The following PDE11A variants were observed in gnomAD, a reference collection of about 807,000 sequenced individuals.
The protein encoded by PDE11A is phosphodiesterase 11A.
PDE11A carries 100 observed loss-of-function variants against 100.5 expected under a neutral mutation model. The ratio of observed to expected loss-of-function variants is 1.00; its 90% CI spans 0.85 to 1.18. The LOEUF (loss-of-function observed/expected upper bound fraction) is 1.18. Among genes scored for constraint, PDE11A ranks in the 50% most tolerant of loss-of-function variants. The pLI, the probability that PDE11A is intolerant of heterozygous loss-of-function variation, is 0.00. For synonymous variants in PDE11A, 381 were observed against 420.8 expected (o/e 0.91, Z 1.16); for missense variants, 1,141 against 1,152.6 (o/e 0.99, Z 0.15).
chr2:177,941,242 G>T (rs534991625), intron 2 of PDE11A, among the ~76,000 whole-genome samples: 20 of 152,314 alleles, frequency 1.3e-4, no homozygotes, highest in African/African-American at 4.6e-4. Flanking sequence ...CAGGCAGCTT[G>T]CCCTAAACTT....
intron 9 of PDE11A, among the ~76,000 whole-genome samples, chr2:177,770,438 T>A (rs1359785232): frequency 6.6e-6 from 1 of 152,244 alleles, no homozygotes; most frequent in Non-Finnish European, 1.5e-5. Context: ...GGCTTAAAAG[T>A]TAAAAACCCC....
chr2:178,052,257 A>G (rs2086838466), intron 1 of PDE11A, among the ~76,000 whole-genome samples: 1 of 152,244 alleles, frequency 6.6e-6, no homozygotes, highest in African/African-American at 2.4e-5. Flanking sequence ...CTGCTCCTGA[A>G]TGACTACTGG....
chr2:177,863,666 C>T (rs921816225), intron 5 of PDE11A, among the ~76,000 whole-genome samples: 1 of 151,742 alleles, frequency 6.6e-6, no homozygotes, highest in Non-Finnish European at 1.5e-5. Flanking sequence ...ATTAGGGTGG[C>T]TACTATCAAA....
In PDE11A at chr2:177,898,124, A is replaced by G. The variant is rs1380873183; in HGVS notation, c.1236T>C (p.His412=). The change falls in exon 4 of 20, where the codon CAT becomes CAC. Residue 412 remains histidine, a synonymous_variant. Transcript: ENST00000286063. The part of the protein sequence containing the change: ...DLEKIVKKIM[H]RAQTLLKCER... ...CACATTTCAGCAGAGTTTGGGCCCG[A>G]TGCATTATTTTCTTGACAATTTTCT... is the stretch of plus-strand genomic sequence containing the variant. The G allele has an allele frequency of 1.2e-6, 2 of 1,611,438 alleles. No individual in the cohort carries two copies. The highest frequency in any genetic ancestry group is 4.5e-5 in the East Asian group (2 of 44,850).
At chr2:177,645,903 G>A (rs1420229522) in intron 19 of PDE11A, among the ~76,000 whole-genome samples, 1 of 152,168 alleles carries the variant, frequency 6.6e-6, no homozygotes, top group African/African-American at 2.4e-5. Context: ...CAGATTAGTC[G>A]TGCATGTAAA....
chr2:177,986,868 T>G (rs140435050), intron 2 of PDE11A, among the ~76,000 whole-genome samples: 1 of 151,626 alleles, frequency 6.6e-6, no homozygotes, highest in Non-Finnish European at 1.5e-5. Context: ...TAATGGTATA[T>G]ATCTCACTAG....
intron 19 of PDE11A, among the ~76,000 whole-genome samples, chr2:177,645,358 G>GTA (rs1166970739): frequency 6.6e-6 from 1 of 151,352 alleles, no homozygotes; most frequent in African/African-American, 2.5e-5. Flanking sequence ...GTTAGTTTTT[G>GTA]TATATATATA....
At chr2:177,730,613 A>C (rs2081671972) in intron 10 of PDE11A, among the ~76,000 whole-genome samples, 1 of 151,190 alleles carries the variant, frequency 6.6e-6, no homozygotes, top group South Asian at 2.1e-4. Flanking sequence ...TTTTAATACC[A>C]CGGTTTTCAT....
intron 10 of PDE11A, among the ~76,000 whole-genome samples, chr2:177,737,550 G>A (rs1431761496): frequency 6.7e-6 from 1 of 149,890 alleles, no homozygotes; most frequent in Non-Finnish European, 1.5e-5. Context: ...GCAGTGAGCT[G>A]AGATCACGCC....
At chr2:177,944,496 T>C (rs961931484) in intron 2 of PDE11A, among the ~76,000 whole-genome samples, 9 of 152,230 alleles carry the variant, frequency 5.9e-5, no homozygotes, top group African/African-American at 1.9e-4. Context: ...GTGAATTTAC[T>C]TTTCAAGACT....
At chr2:177,947,369 T>C (rs1241083343) in intron 2 of PDE11A, among the ~76,000 whole-genome samples, 2 of 151,738 alleles carry the variant, frequency 1.3e-5, no homozygotes, top group East Asian at 3.9e-4. Context: ...ATGGTTGCCG[T>C]GTCTGTGTAG....
intron 19 of PDE11A, among the ~76,000 whole-genome samples, chr2:177,647,364 A>C (rs949260524): frequency 6.6e-6 from 1 of 152,172 alleles, no homozygotes; most frequent in Non-Finnish European, 1.5e-5. Context: ...ATGGGTTTAC[A>C]AATACAGAAT....
chr2:178,072,738 T>A lies in PDE11A; in HGVS notation c.-301A>T, dbSNP rs1200819930. 7.5e-7 allele frequency: 1 copy of A among 1,338,194 alleles called. No homozygotes were observed. The highest frequency in any genetic ancestry group is 1.5e-5 in the African/African-American group (1 of 67,328). The allele number at this position is 1,338,194 out of a possible 1,614,324, so 82.9% of individuals were successfully genotyped here. On this transcript the variant is annotated 5_prime_UTR_variant, in exon 1 of 20. Transcript: ENST00000286063. Reference sequence around the variant, plus strand: ...AAACCCGAGCTATCGCTGCTCCTGTTCTGGCTGCCGCCGCTGCTGCTGGAA... The same window carrying A: ...AAACCCGAGCTATCGCTGCTCCTGTACTGGCTGCCGCCGCTGCTGCTGGAA...
At chr2:177,659,066 C>G (rs2080434057) in intron 19 of PDE11A, among the ~76,000 whole-genome samples, 1 of 151,954 alleles carries the variant, frequency 6.6e-6, no homozygotes, top group South Asian at 2.1e-4. Flanking sequence ...CAAGACCAGC[C>G]TGGCCAACAT....
intron 12 of PDE11A, among the ~76,000 whole-genome samples, chr2:177,717,253 C>T (rs1435219687): frequency 6.6e-6 from 1 of 152,116 alleles, no homozygotes; most frequent in East Asian, 1.9e-4. Context: ...TTCTGGGAGT[C>T]ATCAGGCCTG....
chr2:177,960,352 C>T (rs573500903), intron 2 of PDE11A, among the ~76,000 whole-genome samples: 1 of 151,908 alleles, frequency 6.6e-6, no homozygotes, highest in Non-Finnish European at 1.5e-5. Context: ...GCTAAAGGTA[C>T]CATTTTGAAA....
Position 177,875,943 on chromosome 2 carries a change from T to A in PDE11A, c.1303-20A>T. The stretch of plus-strand genomic sequence containing the variant: ...CACCACCTGTCGCATAGAAAGATAA[T>A]AAATCCAGGTCAATTAAAGCTTTAT... On this transcript the variant is annotated intron_variant, in intron 4 of 19. Coordinates refer to ENST00000286063, the MANE Select transcript of PDE11A (RefSeq NM_016953.4). 6.7e-7 allele frequency: 1 copy of A among 1,487,614 alleles called. No homozygotes were observed. The highest frequency in any genetic ancestry group is 9.4e-7 in the Non-Finnish European group (1 of 1,064,768). The allele number at this position is 1,487,614 out of a possible 1,614,324, so 92.2% of individuals were successfully genotyped here.
At chr2:177,970,392 C>A (rs959930946) in intron 2 of PDE11A, among the ~76,000 whole-genome samples, 1 of 151,820 alleles carries the variant, frequency 6.6e-6, no homozygotes, top group South Asian at 2.1e-4. Flanking sequence ...TAGGTCACAT[C>A]GATAGACTTT....
chr2:178,018,223 CT>C, intron 1 of PDE11A: 1 of 400,670 alleles, frequency 2.5e-6, no homozygotes. Flanking sequence ...TTAGCTCCTG[CT>C]TCCAGCTGCT....
Sources: allele counts gnomAD v4.1 joint callset (sites outside exome capture counted in the v4.1 genomes callset), GRCh38; gene constraint gnomAD v4.1.1; transcripts MANE v1.5; gene names NCBI Gene and HGNC (gene_info 2026-07-23, HGNC 2026-07-21).